The following CDH8 variants were observed in gnomAD, a reference collection of about 807,000 sequenced individuals.
CDH8 encodes the protein cadherin 8, also known as cadherin-8.
A neutral mutation model predicts 68.1 loss-of-function variants in CDH8; 17 were observed. The ratio of observed to expected loss-of-function variants is 0.25; its 90% CI spans 0.17 to 0.37. The LOEUF (loss-of-function observed/expected upper bound fraction) is 0.37, where lower values mean the gene tolerates loss of function less well. Among genes scored for constraint, CDH8 ranks in the 10% least tolerant of loss-of-function variants. The pLI, the probability that CDH8 is intolerant of heterozygous loss-of-function variation, is 1.00. For synonymous variants in CDH8, 372 were observed against 365.1 expected (o/e 1.02, Z -0.21); for missense variants, 763 against 999.3 (o/e 0.76, Z 3.19).
chr16:61,824,899 A>G lies in CDH8; in HGVS notation c.835+113T>C, dbSNP rs1305875493. On this transcript the variant is annotated intron_variant, in intron 5 of 11. Coordinates refer to ENST00000577390, the MANE Select transcript of CDH8 (RefSeq NM_001796.5). ...AAAATCATGCCATACCTGGCACATA[A>G]TAAGCCACTCAATAGTTGCTGTCAG... is the stretch of plus-strand genomic sequence containing the variant. 9 of 866,064 alleles carry G rather than the reference A, an allele frequency of 1.0e-5. 1 individual carries two copies. The East Asian group carries it at 1.1e-4, about 10-fold the overall frequency. 53.6% of individuals were successfully genotyped at this position (866,064 alleles called of 1,614,324 possible). A position where few individuals can be genotyped will look rare whatever the true frequency, so the allele number is the denominator to read the frequency against.
At chr16:61,681,397 C>A (rs1374652165) in intron 10 of CDH8, among the ~76,000 whole-genome samples, 1 of 151,878 alleles carries the variant, frequency 6.6e-6, no homozygotes, top group Admixed American at 6.6e-5. Context: ...CTCAAACTCA[C>A]TACTCTACAT....
chr16:61,919,945 G>C (rs896091028), intron 2 of CDH8, among the ~76,000 whole-genome samples: 7 of 152,078 alleles, frequency 4.6e-5, no homozygotes, highest in Non-Finnish European at 7.3e-5. Flanking sequence ...CAGAAATAAT[G>C]CCGCATATCT....
chr16:61,859,085 G>A (rs1345560638), intron 3 of CDH8, among the ~76,000 whole-genome samples: 1 of 152,124 alleles, frequency 6.6e-6, no homozygotes, highest in East Asian at 1.9e-4. Flanking sequence ...TATTTGTTGA[G>A]CAGTTGATAG....
intron 1 of CDH8, among the ~76,000 whole-genome samples, chr16:62,028,751 AAC>A (rs1483526639): frequency 6.6e-6 from 1 of 151,982 alleles, no homozygotes; most frequent in African/African-American, 2.4e-5. Flanking sequence ...AAAAAAAAAA[AAC>A]GAGTATCAGT....
chr16:61,977,172 T>C (rs1478592688), intron 2 of CDH8, among the ~76,000 whole-genome samples: 1 of 152,162 alleles, frequency 6.6e-6, no homozygotes, highest in Non-Finnish European at 1.5e-5. Context: ...ATGTGGCAGT[T>C]AACCTTCTGA....
chr16:61,924,477 T>C (rs1834333777), intron 2 of CDH8, among the ~76,000 whole-genome samples: 1 of 152,144 alleles, frequency 6.6e-6, no homozygotes, highest in African/African-American at 2.4e-5. Flanking sequence ...ACATGGGATA[T>C]TTAATAACAA....
At chr16:61,667,812 T>C (rs890273353) in intron 10 of CDH8, 3 of 152,060 alleles carry the variant, frequency 2.0e-5, no homozygotes, top group Admixed American at 6.6e-5. Flanking sequence ...CTTATTCCCA[T>C]TTTACTTATG....
At chr16:61,714,092 T>C (rs1964678633) in intron 9 of CDH8, 134 bp from the exon 10 acceptor site, 1 of 697,922 alleles carries the variant, frequency 1.4e-6, no homozygotes, top group Non-Finnish European at 2.6e-6. Flanking sequence ...TAAATTGTCA[T>C]GGATGGTTTG....
intron 5 of CDH8, among the ~76,000 whole-genome samples, chr16:61,821,587 A>G (rs1364652415): frequency 1.3e-5 from 2 of 152,002 alleles, no homozygotes; most frequent in Non-Finnish European, 2.9e-5. Flanking sequence ...AGACTTTTAG[A>G]CCATTTTTGA....
At chr16:61,853,355 C>CTGGTTTATT (rs1389121593) in intron 4 of CDH8, among the ~76,000 whole-genome samples, 1 of 152,126 alleles carries the variant, frequency 6.6e-6, no homozygotes, top group East Asian at 1.9e-4. Context: ...GTCTCATGCC[C>CTGGTTTATT]TGGTTTATTT....
chr16:61,702,467 T>C (rs1048592254), intron 10 of CDH8, among the ~76,000 whole-genome samples: 4 of 152,318 alleles, frequency 2.6e-5, no homozygotes, highest in Admixed American at 6.5e-5. Context: ...CAAAGACTTG[T>C]GAAGGTCAGA....
intron 1 of CDH8, among the ~76,000 whole-genome samples, chr16:62,026,455 C>T (rs1902200757): frequency 6.6e-6 from 1 of 152,150 alleles, no homozygotes; most frequent in Non-Finnish European, 1.5e-5. Context: ...GCAGCTCAGA[C>T]CTCCTAGAGA....
At chr16:61,929,724 A>C (rs1168384219) in intron 2 of CDH8, among the ~76,000 whole-genome samples, 1 of 151,540 alleles carries the variant, frequency 6.6e-6, no homozygotes, top group Non-Finnish European at 1.5e-5. Flanking sequence ...CCATCTCCAC[A>C]AAAAAAATTA....
chr16:61,971,541 C>G (rs765179543), intron 2 of CDH8, among the ~76,000 whole-genome samples: 1 of 152,182 alleles, frequency 6.6e-6, no homozygotes, highest in Non-Finnish European at 1.5e-5. Context: ...CTGGGCACGC[C>G]ACCCTGCAGG....
At chr16:61,683,303 A>G (rs974068139) in intron 10 of CDH8, among the ~76,000 whole-genome samples, 4 of 152,016 alleles carry the variant, frequency 2.6e-5, no homozygotes, top group African/African-American at 9.7e-5. Flanking sequence ...ATAGTTCTGC[A>G]TATATAAACA....
intron 8 of CDH8, among the ~76,000 whole-genome samples, chr16:61,743,955 TA>T (rs1283162925): frequency 1.3e-5 from 2 of 152,126 alleles, no homozygotes; most frequent in African/African-American, 4.8e-5. Context: ...TTTCAATACT[TA>T]AGAATAATTT....
rs1963373468 is a variant in CDH8 at position 61,653,578 on chromosome 16, C to T, written c.*30G>A. ...TGACCCTAGAATATTACAGAATGCT[C>T]AGTTCCAGTGATTTATTTATAATCC... On this transcript the variant is annotated 3_prime_UTR_variant, in exon 12 of 12. Coordinates refer to ENST00000577390, the MANE Select transcript of CDH8 (RefSeq NM_001796.5). The T allele has an allele frequency of 6.4e-7, 1 of 1,572,384 alleles. No individual in the cohort carries two copies. Among genetic ancestry groups the T allele is most frequent in the Admixed American group, 1.9e-5 (1 of 53,880 alleles).
chr16:61,890,209 A>G (rs1963749673), intron 3 of CDH8, among the ~76,000 whole-genome samples: 1 of 152,212 alleles, frequency 6.6e-6, no homozygotes, highest in Non-Finnish European at 1.5e-5. Flanking sequence ...ACATAAAGAG[A>G]CAATGTTAGG....
intron 7 of CDH8, among the ~76,000 whole-genome samples, chr16:61,809,094 G>A (rs1961875782): frequency 6.6e-6 from 1 of 151,938 alleles, no homozygotes; most frequent in South Asian, 2.1e-4. Context: ...GCTGAGGCAG[G>A]AGAATCGCTT....
Sources: gnomAD v4.1 joint callset for allele counts (sites outside exome capture counted in the v4.1 genomes callset) on GRCh38, gnomAD v4.1.1 for gene constraint, MANE v1.5 for transcripts, NCBI Gene and HGNC (gene_info 2026-07-23, HGNC 2026-07-21) for gene names.